LHFPL3: variants seen among roughly 807,000 people sequenced by gnomAD.
LHFPL3 encodes LHFPL tetraspan subfamily member 3 protein.
In LHFPL3, 5 loss-of-function variants were observed where a neutral mutation model predicts 19.3. The observed-to-expected ratio is 0.26, with a 90% CI of 0.14 to 0.54. LHFPL3 has a LOEUF of 0.54. Ranked by LOEUF, LHFPL3 falls within the 20% of genes least tolerant of loss-of-function variation. LHFPL3 has a pLI of 0.94. For synonymous variants in LHFPL3, 133 were observed against 126.2 expected (o/e 1.05, Z -0.36); for missense variants, 249 against 307.4 (o/e 0.81, Z 1.42).
chr7:104,419,884 C>T (rs964458773), intron 1 of LHFPL3, among the ~76,000 whole-genome samples: 1 of 152,172 alleles, frequency 6.6e-6, no homozygotes, highest in Non-Finnish European at 1.5e-5. Flanking sequence ...CTGGATTGGA[C>T]TTTGGGCACC....
chr7:104,425,139 T>A (rs1260047684), intron 1 of LHFPL3, among the ~76,000 whole-genome samples: 1 of 151,554 alleles, frequency 6.6e-6, no homozygotes, highest in Non-Finnish European at 1.5e-5. Context: ...CACTACATAG[T>A]AGGGCCCAGT....
intron 1 of LHFPL3, among the ~76,000 whole-genome samples, chr7:104,735,687 T>A (rs1793800189): frequency 1.3e-5 from 2 of 152,370 alleles, no homozygotes; most frequent in East Asian, 3.9e-4. Flanking sequence ...TGCATCGCCC[T>A]GCTTCAGCTT....
At chr7:104,696,552 G>T (rs1457810709) in intron 1 of LHFPL3, among the ~76,000 whole-genome samples, 1 of 152,082 alleles carries the variant, frequency 6.6e-6, no homozygotes, top group Non-Finnish European at 1.5e-5. Flanking sequence ...GGTTAACTTA[G>T]CTAAGGGGGT....
chr7:104,682,816 A>G (rs1792732260), intron 1 of LHFPL3, among the ~76,000 whole-genome samples: 1 of 152,206 alleles, frequency 6.6e-6, no homozygotes, highest in African/African-American at 2.4e-5. Flanking sequence ...CCCATATTTA[A>G]TTCAGGGGGA....
At chr7:104,904,200 G>A (rs1792550779) in intron 2 of LHFPL3, among the ~76,000 whole-genome samples, 1 of 152,166 alleles carries the variant, frequency 6.6e-6, no homozygotes, top group Admixed American at 6.5e-5. Flanking sequence ...TTCTCTTGCT[G>A]AGAGAAGTTC....
intron 2 of LHFPL3, among the ~76,000 whole-genome samples, chr7:104,768,510 A>G (rs1394452687): frequency 3.3e-5 from 5 of 152,194 alleles, no homozygotes; most frequent in African/African-American, 1.2e-4. Flanking sequence ...ATGACAATGC[A>G]GGGAATTTCT....
intron 1 of LHFPL3, among the ~76,000 whole-genome samples, chr7:104,542,037 T>A (rs1446855958): frequency 6.6e-6 from 1 of 151,914 alleles, no homozygotes; most frequent in East Asian, 1.9e-4. Flanking sequence ...GAAGTGGGCA[T>A]CTCAGTGCAG....
At chr7:104,624,203 C>T (rs1003958773) in intron 1 of LHFPL3, among the ~76,000 whole-genome samples, 1 of 152,134 alleles carries the variant, frequency 6.6e-6, no homozygotes, top group African/African-American at 2.4e-5. Context: ...TGAGTTTTGA[C>T]ACACATACAA....
chr7:104,859,417 C>G (rs1380540989), intron 2 of LHFPL3, among the ~76,000 whole-genome samples: 3 of 152,012 alleles, frequency 2.0e-5, no homozygotes, highest in African/African-American at 7.2e-5. Flanking sequence ...GCCTGTAATC[C>G]CAGAACTTTG....
At chr7:104,802,227 G>T (rs1440357318) in intron 2 of LHFPL3, among the ~76,000 whole-genome samples, 1 of 152,124 alleles carries the variant, frequency 6.6e-6, no homozygotes, top group Non-Finnish European at 1.5e-5. Flanking sequence ...AGGCACACTG[G>T]CTCACACCTG....
chr7:104,736,550 T>C lies in LHFPL3; in HGVS notation c.446-125T>C, dbSNP rs80156588. On this transcript the variant is annotated intron_variant, in intron 1 of 2. Coordinates refer to ENST00000424859, the MANE Select transcript of LHFPL3 (RefSeq NM_199000.3). ...ACATTCAGAGTGACAGTGGTGAGAT[T>C]TGCTGTTTTTTAAATCAAGAATAAT... 3.4e-3 allele frequency: 2,276 copies of C among 668,190 alleles called. 29 individuals carry two copies. The highest frequency in any genetic ancestry group is 0.034 in the African/African-American group (1,877 of 55,644). 41.4% of individuals were successfully genotyped at this position (668,190 alleles called of 1,614,324 possible). A position where few individuals can be genotyped will look rare whatever the true frequency, so the allele number is the denominator to read the frequency against.
chr7:104,339,577 G>T (rs1178218306), intron 1 of LHFPL3, among the ~76,000 whole-genome samples: 4 of 152,162 alleles, frequency 2.6e-5, no homozygotes, highest in Non-Finnish European at 5.9e-5. Flanking sequence ...TTCCATTTCT[G>T]CCACTTTCTT....
At chr7:104,659,572 A>G (rs554253345) in intron 1 of LHFPL3, among the ~76,000 whole-genome samples, 1 of 152,252 alleles carries the variant, frequency 6.6e-6, no homozygotes, top group Non-Finnish European at 1.5e-5. Flanking sequence ...GTGATGGGGG[A>G]ATTCTTAGCA....
chr7:104,570,242 G>A (rs1584409198), intron 1 of LHFPL3, among the ~76,000 whole-genome samples: 1 of 152,108 alleles, frequency 6.6e-6, no homozygotes, highest in Non-Finnish European at 1.5e-5. Context: ...GCTCTTGTTT[G>A]CCCTGGCACA....
At position 104,368,286 on chromosome 7, in the gene LHFPL3, G is replaced by A. The variant is rs1239197531; in HGVS notation, c.445+39062G>A. ...TGTGCAGCCTCTTTTAGTTGTTGTT[G>A]TTATTGTGGTAAGAACACTTAACAT... is the stretch of plus-strand genomic sequence containing the variant. On this transcript the variant is annotated intron_variant, in intron 1 of 2. Coordinates refer to ENST00000424859, the MANE Select transcript of LHFPL3 (RefSeq NM_199000.3). 2.0e-5 allele frequency among the ~76,000 whole-genome samples: 3 copies of A among 151,998 alleles called. No homozygotes were observed. In the East Asian group the frequency reaches 5.8e-4, roughly 29 times the overall value.
At chr7:104,588,127 C>T (rs1046812075) in intron 1 of LHFPL3, among the ~76,000 whole-genome samples, 5 of 152,264 alleles carry the variant, frequency 3.3e-5, no homozygotes, top group Non-Finnish European at 5.9e-5. Context: ...TTAATTAGAT[C>T]CCATTTGTCA....
At chr7:104,590,423 TTGAG>T (rs1213773867) in intron 1 of LHFPL3, among the ~76,000 whole-genome samples, 4 of 152,308 alleles carry the variant, frequency 2.6e-5, no homozygotes, top group Non-Finnish European at 4.4e-5. Context: ...TTGAGCGGTT[TTGAG>T]TGAGTTTCTT....
intron 1 of LHFPL3, among the ~76,000 whole-genome samples, chr7:104,438,240 T>C (rs1043191278): frequency 6.6e-6 from 1 of 152,214 alleles, no homozygotes; most frequent in African/African-American, 2.4e-5. Flanking sequence ...CACTTTTAGC[T>C]TCTTTTCTTT....
Position 104,470,737 on chromosome 7 carries a change from G to A in LHFPL3, c.445+141513G>A, listed in dbSNP as rs147186797. Among the ~76,000 whole-genome samples, 649 of 152,278 alleles carry A rather than the reference G, an allele frequency of 4.3e-3. 3 individuals carry two copies. The highest frequency in any genetic ancestry group is 0.014 in the South Asian group (68 of 4,824). On this transcript the variant is annotated intron_variant, in intron 1 of 2. Coordinates refer to ENST00000424859, the MANE Select transcript of LHFPL3 (RefSeq NM_199000.3). ...CCCAGGAAGACTGGCCCTGGAGTCC[G>A]TGTTCTTAACTAGCCTGAAGCTCCA... is the stretch of plus-strand genomic sequence containing the variant.
Sources: gnomAD v4.1 joint callset for allele counts (sites outside exome capture counted in the v4.1 genomes callset) on GRCh38, gnomAD v4.1.1 for gene constraint, MANE v1.5 for transcripts, NCBI Gene and HGNC (gene_info 2026-07-23, HGNC 2026-07-21) for gene names.